Variants in ZFPM1 observed in about 807,000 individuals in gnomAD.
ZFPM1 encodes the protein zinc finger protein ZFPM1.
ZFPM1 carries 28 observed loss-of-function variants against 46.3 expected under a neutral mutation model. The observed-to-expected ratio is 0.60, with a 90% CI of 0.45 to 0.83. The LOEUF is 0.83. Ranked by LOEUF, ZFPM1 falls within the 40% of genes least tolerant of loss-of-function variation. The probability of loss-of-function intolerance (pLI) is 0.00; values close to 1 mark genes in which losing one functional copy is unlikely to be tolerated. For synonymous variants in ZFPM1, 957 were observed against 675.9 expected (o/e 1.42, Z -6.45); for missense variants, 1,878 against 1,432.4 (o/e 1.31, Z -5.02).
At chr16:88,504,187 G>A (rs936507128) in intron 3 of ZFPM1, among the ~76,000 whole-genome samples, 7 of 152,208 alleles carry the variant, frequency 4.6e-5, no homozygotes, top group African/African-American at 7.2e-5. Context: ...GGCCCTCAGC[G>A]GCATCCAGAC....
intron 4 of ZFPM1, among the ~76,000 whole-genome samples, chr16:88,524,106 A>G (rs1342461858): frequency 6.6e-6 from 1 of 152,186 alleles, no homozygotes; most frequent in Non-Finnish European, 1.5e-5. Flanking sequence ...ATTGGGACGA[A>G]TAATTAGATT....
Position 88,514,428 on chromosome 16 carries a change from C to G in ZFPM1, c.310C>G (p.Arg104Gly), listed in dbSNP as rs375666859. ...PVVQDGQRRI[R>G]ARLSLATGLS... ...GGTGCAGGATGGGCAGAGGCGCATACGGGCCCGACTCAGCCTCGCCACGGG... is the reference window on the plus strand; with the variant it reads ...GGTGCAGGATGGGCAGAGGCGCATAGGGGCCCGACTCAGCCTCGCCACGGG... The change falls in exon 4 of 10, where the codon CGG becomes GGG. Residue 104 changes from arginine to glycine, a missense_variant. By Grantham distance (125) the Arg-to-Gly change is moderately radical. Transcript: ENST00000319555. The G allele has an allele frequency of 1.3e-6, 2 of 1,559,790 alleles. No homozygotes were observed. Among genetic ancestry groups the G allele is most frequent in the African/African-American group, 2.7e-5 (2 of 73,670 alleles).
intron 5 of ZFPM1, among the ~76,000 whole-genome samples, chr16:88,527,325 C>G (rs1912418470): frequency 6.6e-6 from 1 of 152,194 alleles, no homozygotes; most frequent in Non-Finnish European, 1.5e-5. Context: ...CAGGCTGGCT[C>G]CAGGAACGGT....
intron 3 of ZFPM1, among the ~76,000 whole-genome samples, chr16:88,499,272 G>A (rs1055812475): frequency 6.6e-6 from 1 of 152,252 alleles, no homozygotes. Context: ...AGGCAGAGCC[G>A]GCACTCACTC....
At chr16:88,461,249 AG>A (rs1220079496) in intron 1 of ZFPM1, among the ~76,000 whole-genome samples, 10 of 111,910 alleles carry the variant, frequency 8.9e-5, no homozygotes, top group South Asian at 3.3e-4. Flanking sequence ...GTGGGGCGGG[AG>A]GCCCTGGTGA....
At chr16:88,487,630 G>T (rs138437264) in intron 2 of ZFPM1, among the ~76,000 whole-genome samples, 1 of 152,158 alleles carries the variant, frequency 6.6e-6, no homozygotes, top group Non-Finnish European at 1.5e-5. Flanking sequence ...GGATTTCTCA[G>T]TGGGGACCCC....
At chr16:88,498,995 C>G (rs2142395846) in intron 3 of ZFPM1, among the ~76,000 whole-genome samples, 1 of 152,364 alleles carries the variant, frequency 6.6e-6, no homozygotes, top group East Asian at 1.9e-4. Context: ...CCTCTCCACG[C>G]AAGGCCCTGT....
At chr16:88,519,353 G>GTGGATGGATGAA (rs1477598118) in intron 4 of ZFPM1, among the ~76,000 whole-genome samples, 1 of 148,066 alleles carries the variant, frequency 6.8e-6, no homozygotes, top group Non-Finnish European at 1.5e-5. Context: ...GAATGGATGA[G>GTGGATGGATGAA]TGGATGGATG....
At chr16:88,481,742 C>T (rs1322532346) in intron 1 of ZFPM1, among the ~76,000 whole-genome samples, 2 of 152,148 alleles carry the variant, frequency 1.3e-5, no homozygotes, top group Non-Finnish European at 2.9e-5. Flanking sequence ...CTCTACACCC[C>T]AGGTTCCCCA....
In ZFPM1 at chr16:88,503,619, C is replaced by T. The variant is rs183388001; in HGVS notation, c.269-10768C>T. On this transcript the variant is annotated intron_variant, in intron 3 of 9. Transcript: ENST00000319555. ...TGTGGAGCCAGGTCCTCTCTGACCT[C>T]GGTCTTCTCATCTGTGTTGGGGTGA... Among the ~76,000 whole-genome samples, 361 of 152,304 alleles carry T rather than the reference C, an allele frequency of 2.4e-3. 1 individual carries two copies. Among genetic ancestry groups the T allele is most frequent in the African/African-American group, 8.3e-3 (343 of 41,550 alleles).
intron 1 of ZFPM1, among the ~76,000 whole-genome samples, chr16:88,464,410 C>A (rs1286095202): frequency 6.6e-6 from 1 of 152,210 alleles, no homozygotes; most frequent in African/African-American, 2.4e-5. Flanking sequence ...GTGTTTGCAC[C>A]TCAGTCCTGC....
intron 3 of ZFPM1, among the ~76,000 whole-genome samples, chr16:88,506,445 C>T (rs1436043551): frequency 7.4e-6 from 1 of 134,324 alleles, no homozygotes; most frequent in Admixed American, 8.5e-5. Flanking sequence ...TGTGCTGGGG[C>T]TTAACTGCAA....
Position 88,469,576 on chromosome 16 carries a change from T to G in ZFPM1, c.40+15898T>G, listed in dbSNP as rs954812511. Among the ~76,000 whole-genome samples, 7 of 152,184 alleles carry G rather than the reference T, an allele frequency of 4.6e-5. No homozygotes were observed. Among genetic ancestry groups the G allele is most frequent in the African/African-American group, 1.7e-4 (7 of 41,442 alleles). On this transcript the variant is annotated intron_variant, in intron 1 of 9. Transcript: ENST00000319555. The surrounding 1 kb of genome is among the most constrained non-coding windows in gnomAD (Gnocchi z 4.3). Reference sequence around the variant, plus strand: ...GGGGCTTAGGACACCTTAGGGGGCATGCACCTGTGTTCTGCATCCACCCAC... The same window carrying G: ...GGGGCTTAGGACACCTTAGGGGGCAGGCACCTGTGTTCTGCATCCACCCAC...
At position 88,535,215 on chromosome 16, in the gene ZFPM1, G is replaced by A. The variant is rs898312460; in HGVS notation, c.*236G>A. The A allele has an allele frequency of 2.3e-5, 9 of 397,298 alleles. No individual in the cohort carries two copies. The highest frequency in any genetic ancestry group is 3.0e-5 in the Non-Finnish European group (7 of 235,184). 24.6% of individuals were successfully genotyped at this position (397,298 alleles called of 1,614,324 possible). ...CTGAGCCAGCAGGCACACGCAGCCA[G>A]TGTCACATCCAGCCCTGCTGTGTAC... On this transcript the variant is annotated 3_prime_UTR_variant, in exon 10 of 10. Coordinates refer to ENST00000319555, the MANE Select transcript of ZFPM1 (RefSeq NM_153813.3).
chr16:88,489,368 T>G, intron 3 of ZFPM1: 1 of 701,236 alleles, frequency 1.4e-6, no homozygotes, highest in African/African-American at 1.8e-5. Flanking sequence ...CCTCACGTGG[T>G]GTACAAGGAA....
chr16:88,470,502 C>G (rs1342777494), intron 1 of ZFPM1, among the ~76,000 whole-genome samples: 1 of 151,896 alleles, frequency 6.6e-6, no homozygotes, highest in Admixed American at 6.5e-5. Flanking sequence ...CGGGTGGTGA[C>G]ACTCAGTGAC....
intron 4 of ZFPM1, among the ~76,000 whole-genome samples, chr16:88,519,930 G>T (rs1457769305): frequency 2.0e-5 from 3 of 150,556 alleles, no homozygotes; most frequent in Non-Finnish European, 4.4e-5. Context: ...TGGATAGATG[G>T]ATGAGTGGAT....
Position 88,495,023 on chromosome 16 carries a change from ACGCGCT to A in ZFPM1, c.268+5873_268+5878del, listed in dbSNP as rs556084703. 9.7e-4 allele frequency among the ~76,000 whole-genome samples: 148 copies of A among 152,354 alleles called. 1 individual carries two copies. Among genetic ancestry groups the A allele is most frequent in the African/African-American group, 3.4e-3 (142 of 41,584 alleles). ...CTAAGCCATAATCTATAATCCCTGC[ACGCGCT>A]CGGGAGCAGCTCGGCCGTGGCTCAT... On this transcript the variant is annotated intron_variant, in intron 3 of 9. Coordinates refer to ENST00000319555, the MANE Select transcript of ZFPM1 (RefSeq NM_153813.3).
At chr16:88,493,665 A>G (rs1909759468) in intron 3 of ZFPM1, among the ~76,000 whole-genome samples, 1 of 150,160 alleles carries the variant, frequency 6.7e-6, no homozygotes, top group African/African-American at 2.5e-5. Flanking sequence ...GGGTGCGGGG[A>G]GCTGTCCCGG....
Sources: allele counts gnomAD v4.1 joint callset (sites outside exome capture counted in the v4.1 genomes callset), GRCh38; gene constraint gnomAD v4.1.1; non-coding constraint Gnocchi (gnomAD v3.1); transcripts MANE v1.5; gene names NCBI Gene and HGNC (gene_info 2026-07-23, HGNC 2026-07-21).